CTSH: variants seen among roughly 807,000 people sequenced by gnomAD.
CTSH encodes the protein cathepsin H.
A neutral mutation model predicts 56.3 loss-of-function variants in CTSH; 52 were observed. That is an observed-to-expected ratio of 0.92 (90% CI 0.74 to 1.16). The LOEUF is 1.16. CTSH is among the 50% of genes most tolerant of loss of function. CTSH has a pLI of 0.00. For missense variants in CTSH, 406 were observed against 424.5 expected, an observed-to-expected ratio of 0.96 and a Z score of 0.38; for synonymous variants, 174 against 155.7, an observed-to-expected ratio of 1.12 and a Z score of -0.88.
At chr15:78,935,892 A>G (rs1302092864) in intron 3 of CTSH, 142 bp from the exon 4 acceptor site, 2 of 608,278 alleles carry the variant, frequency 3.3e-6, no homozygotes, top group East Asian at 2.8e-5. Context: ...TTTTGTATTT[A>G]ATATAATTCA....
At chr15:78,930,055 C>T (rs935579612) in intron 7 of CTSH, among the ~76,000 whole-genome samples, 24 of 152,228 alleles carry the variant, frequency 1.6e-4, no homozygotes, top group Non-Finnish European at 2.5e-4. Context: ...CATAGCATTC[C>T]GCACCGCCTG....
chr15:78,925,825 T>G (rs1021444687), intron 9 of CTSH: 8 of 179,266 alleles, frequency 4.5e-5, no homozygotes, highest in Non-Finnish European at 8.3e-5. Flanking sequence ...CATGGACGGG[T>G]AGGTCCCAGA....
Position 78,939,174 on chromosome 15 carries a change from G to GA in CTSH, c.92-4_92-3insT. 1 of 1,531,744 alleles carries GA rather than the reference G, an allele frequency of 6.5e-7. No individual in the cohort carries two copies. The highest frequency in any genetic ancestry group is 2.0e-5 in the Admixed American group (1 of 49,926). The allele number at this position is 1,531,744 out of a possible 1,614,324, so 94.9% of individuals were successfully genotyped here. On this transcript the variant is annotated splice_region_variant and splice_polypyrimidine_tract_variant and intron_variant, in intron 1 of 11. Coordinates refer to ENST00000220166, the MANE Select transcript of CTSH (RefSeq NM_004390.5). ...CCATGACTTGAAGTGAAACTTCTCT[G>GA]TAAAAAGAAAAAAAAAATTAGGTCT...
At chr15:78,941,912 A>G (rs1219965095) in intron 1 of CTSH, among the ~76,000 whole-genome samples, 2 of 152,240 alleles carry the variant, frequency 1.3e-5, no homozygotes, top group Non-Finnish European at 2.9e-5. Context: ...TTAAACATCA[A>G]AAGTAAAATT....
In CTSH at chr15:78,922,112, C is replaced by A; in HGVS notation, c.*18G>T. ...GTTCCTCTCCTTCTCCGCCAGTCTG[C>A]GCTGCGGCTGCCACGGCTCACACCA... On this transcript the variant is annotated 3_prime_UTR_variant, in exon 12 of 12. Transcript: ENST00000220166. 1 of 1,553,692 alleles carries A rather than the reference C, an allele frequency of 6.4e-7. No individual in the cohort carries two copies.
At chr15:78,929,738 GC>G (rs1373504463) in intron 7 of CTSH, among the ~76,000 whole-genome samples, 1 of 152,178 alleles carries the variant, frequency 6.6e-6, no homozygotes, top group Non-Finnish European at 1.5e-5. Flanking sequence ...CTTAAGGCCA[GC>G]CGCTCTGTCA....
At position 78,921,870 on chromosome 15, in the gene CTSH, A is replaced by C; in HGVS notation, c.*260T>G. On this transcript the variant is annotated 3_prime_UTR_variant, in exon 12 of 12. Coordinates refer to ENST00000220166, the MANE Select transcript of CTSH (RefSeq NM_004390.5). Reference sequence around the variant, plus strand: ...AGTAGCCCTTCTGGACAGAAAGAATATTCGTGGTCCATGTGGTTTGAGTCT... The same window carrying C: ...AGTAGCCCTTCTGGACAGAAAGAATCTTCGTGGTCCATGTGGTTTGAGTCT... The C allele has an allele frequency of 2.0e-6, 1 of 511,964 alleles. No homozygotes were observed. The highest frequency in any genetic ancestry group is 3.5e-6 in the Non-Finnish European group (1 of 286,944). 31.7% of individuals were successfully genotyped at this position (511,964 alleles called of 1,614,324 possible). A position where few individuals can be genotyped will look rare whatever the true frequency, so the allele number is the denominator to read the frequency against.
intron 1 of CTSH, among the ~76,000 whole-genome samples, chr15:78,943,482 G>T (rs567759301): frequency 6.6e-6 from 1 of 152,060 alleles, no homozygotes; most frequent in Non-Finnish European, 1.5e-5. Flanking sequence ...CGACTGCCTC[G>T]GTCTCCCAAA....
chr15:78,941,473 ACCC>A (rs2055290828), intron 1 of CTSH, among the ~76,000 whole-genome samples: 3 of 143,640 alleles, frequency 2.1e-5, no homozygotes, highest in Non-Finnish European at 4.5e-5. Flanking sequence ...ACTACCTGTG[ACCC>A]ATACATCTGT....
intron 10 of CTSH, among the ~76,000 whole-genome samples, chr15:78,924,165 G>A (rs1201341734): frequency 6.8e-6 from 1 of 146,338 alleles, no homozygotes; most frequent in Admixed American, 6.8e-5. Flanking sequence ...AACGCCCATG[G>A]AACTGCGAAC....
intron 5 of CTSH, chr15:78,933,420 G>A: frequency 2.7e-6 from 1 of 364,654 alleles, no homozygotes; most frequent in Non-Finnish European, 5.7e-6. Context: ...GTTCATCTCT[G>A]TTTCCTCACC....
chr15:78,923,265 T>G, intron 10 of CTSH, 147 bp from the exon 11 acceptor site: 4 of 817,400 alleles, frequency 4.9e-6, no homozygotes, highest in Non-Finnish European at 5.8e-6. Context: ...GTAATCACAT[T>G]TAGTCTCCGT....
intron 3 of CTSH, among the ~76,000 whole-genome samples, chr15:78,936,180 C>CTTTTTT (rs66819363): frequency 1.3e-4 from 12 of 90,864 alleles, no homozygotes; most frequent in African/African-American, 2.3e-4. Flanking sequence ...CTTTTCTTTT[C>CTTTTTT]TTTTTTTTTT....
At chr15:78,925,614 T>C (rs1485395307) in intron 9 of CTSH, 174 bp from the exon 10 acceptor site, 1 of 555,850 alleles carries the variant, frequency 1.8e-6, no homozygotes, top group Admixed American at 2.8e-5. Context: ...TGTCTGGCCA[T>C]CTCTCGTTCC....
chr15:78,940,063 C>T (rs2055256651), intron 1 of CTSH, among the ~76,000 whole-genome samples: 1 of 152,232 alleles, frequency 6.6e-6, no homozygotes, highest in African/African-American at 2.4e-5. Context: ...ATGGGTAGGA[C>T]TGCGTTCCCG....
At chr15:78,934,391 C>T (rs928142356) in intron 5 of CTSH, among the ~76,000 whole-genome samples, 1 of 152,180 alleles carries the variant, frequency 6.6e-6, no homozygotes, top group South Asian at 2.1e-4. Context: ...GGGAGAACAG[C>T]GGGGGCAGGG....
rs1479511405 is a variant in CTSH at position 78,935,148 on chromosome 15, A to G, written c.301-66T>C. 3 of 1,075,392 alleles carry G rather than the reference A, an allele frequency of 2.8e-6. No individual in the cohort carries two copies. In the East Asian group the frequency reaches 7.1e-5, roughly 25 times the overall value. The allele number at this position is 1,075,392 out of a possible 1,614,324, so 66.6% of individuals were successfully genotyped here. A position where few individuals can be genotyped will look rare whatever the true frequency, so the allele number is the denominator to read the frequency against. On this transcript the variant is annotated intron_variant, in intron 4 of 11. Coordinates refer to ENST00000220166, the MANE Select transcript of CTSH (RefSeq NM_004390.5). ...AACCAAAAACCTTTCTGACAACAAG[A>G]AGAAGAAATGTATAAACATGGAATC...
rs2054942372 is a variant in CTSH, at chr15:78,927,710, C to CA, written c.699+2dup. On this transcript the variant is annotated splice_region_variant and intron_variant, in intron 9 of 11. Coordinates refer to ENST00000220166, the MANE Select transcript of CTSH (RefSeq NM_004390.5). ...CCCATCCCAGAGGGGGATCGGCACT[C>CA]ACGATTGTGATGTTGGCTACATCCT... 6.2e-7 allele frequency: 1 copy of CA among 1,613,960 alleles called. No homozygotes were observed. Among genetic ancestry groups the CA allele is most frequent in the Middle Eastern group, 1.7e-4 (1 of 6,054 alleles).
chr15:78,942,172 G>A (rs2055308789), intron 1 of CTSH, among the ~76,000 whole-genome samples: 1 of 151,328 alleles, frequency 6.6e-6, no homozygotes, highest in Non-Finnish European at 1.5e-5. Flanking sequence ...CCAATCCCAT[G>A]GTGCTCTATC....
Sources: allele counts gnomAD v4.1 joint callset (sites outside exome capture counted in the v4.1 genomes callset), GRCh38; gene constraint gnomAD v4.1.1; transcripts MANE v1.5; gene names NCBI Gene and HGNC (gene_info 2026-07-23, HGNC 2026-07-21).